VPS8: variants seen among roughly 807,000 people sequenced by gnomAD.
VPS8 encodes the protein VPS8 subunit of CORVET complex, also known as vacuolar protein sorting-associated protein 8 homolog.
Under a neutral mutation model 216.4 loss-of-function variants are expected in VPS8, and 129 were observed. The ratio of observed to expected loss-of-function variants is 0.60; its 90% CI spans 0.52 to 0.69. The LOEUF is 0.69. Ranked by LOEUF, VPS8 falls within the 30% of genes least tolerant of loss-of-function variation. The pLI, the probability that VPS8 is intolerant of heterozygous loss-of-function variation, is 0.00. For synonymous variants in VPS8, 571 were observed against 565.4 expected, an observed-to-expected ratio of 1.01 and a Z score of -0.14; for missense variants, 1,531 against 1,683.5, an observed-to-expected ratio of 0.91 and a Z score of 1.59.
chr3:184,979,799 G>A (rs1444634186), intron 40 of VPS8, among the ~76,000 whole-genome samples: 1 of 152,098 alleles, frequency 6.6e-6, no homozygotes, highest in Admixed American at 6.5e-5. Context: ...GCCTGTTTAT[G>A]TTCAAGGATA....
At chr3:184,818,521 C>CAAA (rs11310520) in intron 1 of VPS8, among the ~76,000 whole-genome samples, 1 of 89,284 alleles carries the variant, frequency 1.1e-5, no homozygotes, top group Non-Finnish European at 2.4e-5. Flanking sequence ...GAACCTGTCT[C>CAAA]AAAAAAAAAA....
At chr3:185,044,496 G>C (rs1426714168) in intron 46 of VPS8, among the ~76,000 whole-genome samples, 1 of 152,200 alleles carries the variant, frequency 6.6e-6, no homozygotes, top group African/African-American at 2.4e-5. Context: ...CGCTGCAGCA[G>C]GGGAGGGAGG....
intron 45 of VPS8, among the ~76,000 whole-genome samples, chr3:185,014,462 C>T (rs999249541): frequency 1.2e-4 from 19 of 152,096 alleles, no homozygotes; most frequent in African/African-American, 4.6e-4. Flanking sequence ...TTGATTCGGT[C>T]CTGGAGAAAC....
intron 34 of VPS8, among the ~76,000 whole-genome samples, chr3:184,935,724 C>A (rs1741489509): frequency 6.6e-6 from 1 of 152,152 alleles, no homozygotes; most frequent in South Asian, 2.1e-4. Flanking sequence ...ATTTTATTAA[C>A]AATGTTTAAT....
intron 21 of VPS8, among the ~76,000 whole-genome samples, chr3:184,872,975 A>G (rs1728622324): frequency 1.3e-5 from 2 of 152,200 alleles, no homozygotes; most frequent in Admixed American, 6.5e-5. Context: ...CAGAAGTATC[A>G]TGAACTTGTA....
chr3:185,042,835 T>A (rs1216012007), intron 46 of VPS8, among the ~76,000 whole-genome samples: 2 of 152,148 alleles, frequency 1.3e-5, no homozygotes, highest in Non-Finnish European at 1.5e-5. Context: ...CACCACAGAT[T>A]TTCCCCCAAG....
rs759575413 is a variant in VPS8 at position 184,913,500 on chromosome 3, A to G, written c.2147-19A>G. On this transcript the variant is annotated intron_variant, in intron 25 of 47. Coordinates refer to ENST00000625842, the MANE Select transcript of VPS8 (RefSeq NM_001009921.3). ...GTTTTGAGAGAAAATTGCTGAAGATACTTCTCTTTCTATTTTAGATGAACA... is the reference window on the plus strand; with the variant it reads ...GTTTTGAGAGAAAATTGCTGAAGATGCTTCTCTTTCTATTTTAGATGAACA... 1 of 1,570,766 alleles carries G rather than the reference A, an allele frequency of 6.4e-7. No individual in the cohort carries two copies. Among genetic ancestry groups the G allele is most frequent in the Non-Finnish European group, 8.6e-7 (1 of 1,160,094 alleles).
intron 45 of VPS8, among the ~76,000 whole-genome samples, chr3:185,017,652 G>A (rs1001632503): frequency 6.6e-6 from 1 of 152,118 alleles, no homozygotes. Flanking sequence ...TATCGTCCCC[G>A]CTGGCAAGGG....
chr3:184,842,953 T>G (rs1467639716), intron 7 of VPS8, among the ~76,000 whole-genome samples: 1 of 152,068 alleles, frequency 6.6e-6, no homozygotes, highest in Non-Finnish European at 1.5e-5. Flanking sequence ...ATTAGTGTAC[T>G]TCAGTAGATT....
intron 45 of VPS8, among the ~76,000 whole-genome samples, chr3:185,011,617 A>T (rs1755030543): frequency 6.6e-6 from 1 of 152,228 alleles, no homozygotes; most frequent in African/African-American, 2.4e-5. Flanking sequence ...TGAGTTTTGA[A>T]TGTAAATGTT....
intron 40 of VPS8, among the ~76,000 whole-genome samples, chr3:184,977,371 A>G (rs147011416): frequency 0.011 from 1,694 of 152,256 alleles, 13 homozygotes; most frequent in Non-Finnish European, 0.017. Context: ...TGTCAGATGC[A>G]TAGTTTGTGA....
At chr3:185,003,986 C>T (rs962903110) in intron 45 of VPS8, among the ~76,000 whole-genome samples, 2 of 151,880 alleles carry the variant, frequency 1.3e-5, no homozygotes, top group African/African-American at 4.8e-5. Flanking sequence ...ACGCTCCTCA[C>T]TTCCTAGATG....
Position 184,983,062 on chromosome 3 carries a change from G to A in VPS8, c.3553G>A (p.Ala1185Thr). Residue 1185 changes from alanine (A) to threonine (T), a missense_variant, in exon 42 of 48, where the codon GCC (alanine) becomes ACC (threonine). By Grantham distance (58) the Ala-to-Thr change is moderately conservative. Coordinates refer to ENST00000625842, the MANE Select transcript of VPS8 (RefSeq NM_001009921.3). ...TTTAAATAGCATGGCAGCATTTATT[G>A]CCCTTCCATCAATCTTGCAAAGAAT... Reference protein sequence around the residue: ...QVLNSMAAFIALPSILQRILQ... With the variant: ...QVLNSMAAFITLPSILQRILQ... 2 of 1,609,688 alleles carry A rather than the reference G, an allele frequency of 1.2e-6. No individual in the cohort carries two copies. The highest frequency in any genetic ancestry group is 1.7e-6 in the Non-Finnish European group (2 of 1,177,648).
chr3:184,825,051 G>A (rs752526175), intron 2 of VPS8: 75 of 379,694 alleles, frequency 2.0e-4, no homozygotes, highest in Non-Finnish European at 3.4e-4. Context: ...GACCACAGGT[G>A]TGTGTCACCA....
intron 21 of VPS8, among the ~76,000 whole-genome samples, chr3:184,885,589 C>T (rs1329231918): frequency 6.6e-6 from 1 of 152,092 alleles, no homozygotes. Context: ...CAACTGTATC[C>T]CGTTATCAAT....
Position 184,926,662 on chromosome 3 carries a change from T to C in VPS8, c.2631+12T>C, listed in dbSNP as rs1219816966. ...CTGAAAGACAGCAGGTATGAACTACTAGAACTCTTTTTGCTAAAAAATAGG... is the reference window on the plus strand; with the variant it reads ...CTGAAAGACAGCAGGTATGAACTACCAGAACTCTTTTTGCTAAAAAATAGG... On this transcript the variant is annotated intron_variant, in intron 31 of 47. Transcript: ENST00000625842. The C allele has an allele frequency of 6.3e-7, 1 of 1,592,490 alleles. No individual in the cohort carries two copies. Among genetic ancestry groups the C allele is most frequent in the African/African-American group, 1.3e-5 (1 of 74,466 alleles).
intron 42 of VPS8, among the ~76,000 whole-genome samples, chr3:184,991,499 T>C (rs1751889387): frequency 6.6e-6 from 1 of 152,202 alleles, no homozygotes; most frequent in African/African-American, 2.4e-5. Flanking sequence ...CAGTGAGATG[T>C]ACTGATACAA....
At chr3:184,925,518 T>C (rs1739430405) in intron 30 of VPS8, among the ~76,000 whole-genome samples, 1 of 152,198 alleles carries the variant, frequency 6.6e-6, no homozygotes, top group Non-Finnish European at 1.5e-5. Context: ...TCAACAGCTC[T>C]AAAATAGGGA....
intron 22 of VPS8, among the ~76,000 whole-genome samples, chr3:184,889,033 C>G (rs976942470): frequency 6.6e-6 from 1 of 151,958 alleles, no homozygotes; most frequent in Admixed American, 6.6e-5. Flanking sequence ...TTTTGTTATT[C>G]CCTAAAATAT....
Sources: gnomAD v4.1 joint callset for allele counts (sites outside exome capture counted in the v4.1 genomes callset) on GRCh38, gnomAD v4.1.1 for gene constraint, MANE v1.5 for transcripts, NCBI Gene and HGNC (gene_info 2026-07-23, HGNC 2026-07-21) for gene names.